Variants in IL1RAPL2 observed in about 807,000 individuals in gnomAD.
IL1RAPL2 encodes interleukin 1 receptor accessory protein like 2, also known as X-linked interleukin-1 receptor accessory protein-like 2.
A neutral mutation model predicts 44.1 loss-of-function variants in IL1RAPL2; 3 were observed. The observed-to-expected ratio is 0.07, with a 90% CI of 0.03 to 0.18. The LOEUF is 0.18. IL1RAPL2 is among the 10% of genes least tolerant of loss of function. The pLI, the probability that IL1RAPL2 is intolerant of heterozygous loss-of-function variation, is 1.00. For synonymous variants in IL1RAPL2, 181 were observed against 178.8 expected (o/e 1.01, Z -0.10); for missense variants, 391 against 496.4 (o/e 0.79, Z 2.02).
In IL1RAPL2 at chrX:104,964,601, G is replaced by C. The variant is rs762245037; in HGVS notation, c.83-230874G>C. On this transcript the variant is annotated intron_variant, in intron 2 of 10. Coordinates refer to ENST00000372582, the MANE Select transcript of IL1RAPL2 (RefSeq NM_017416.2). ...GCTGGGATTACAGGCATGAGCCACC[G>C]TGCCCAGCCGATTTATTTCTTATGT... Among the ~76,000 whole-genome samples the C allele has an allele frequency of 6.4e-5, 7 of 110,124 alleles. No individual in the cohort carries two copies. The South Asian group carries it at 2.7e-3, about 43-fold the overall frequency.
intron 2 of IL1RAPL2, among the ~76,000 whole-genome samples, chrX:104,844,533 C>T (rs1323489244): frequency 9.0e-6 from 1 of 111,481 alleles, no homozygotes; most frequent in Non-Finnish European, 1.9e-5. Flanking sequence ...CCCTGGACCA[C>T]ATTGGAAGAA....
chrX:105,358,428 C>G (rs1417284661), intron 5 of IL1RAPL2, among the ~76,000 whole-genome samples: 1 of 108,051 alleles, frequency 9.3e-6, no homozygotes, highest in Non-Finnish European at 1.9e-5. Context: ...GTAATCCCAG[C>G]ACTCTGGAAG....
At chrX:105,070,576 C>T (rs1257110064) in intron 2 of IL1RAPL2, among the ~76,000 whole-genome samples, 1 of 109,847 alleles carries the variant, frequency 9.1e-6, no homozygotes, top group Non-Finnish European at 1.9e-5. Flanking sequence ...TGCCTGTAAT[C>T]CCAGCTACTC....
intron 5 of IL1RAPL2, among the ~76,000 whole-genome samples, chrX:105,478,070 TG>T (rs2036209676): frequency 9.0e-6 from 1 of 110,890 alleles, no homozygotes; most frequent in African/African-American, 3.3e-5. Flanking sequence ...TGGAAACTGA[TG>T]TAAGTGTGCC....
intron 2 of IL1RAPL2, among the ~76,000 whole-genome samples, chrX:104,675,783 C>T (rs1347896339): frequency 5.4e-5 from 6 of 110,174 alleles, no homozygotes; most frequent in African/African-American, 2.0e-4. Flanking sequence ...CTTGGTGCTC[C>T]TGTATTGGGT....
At chrX:105,505,141 T>C (rs773147537) in intron 6 of IL1RAPL2, among the ~76,000 whole-genome samples, 5 of 111,093 alleles carry the variant, frequency 4.5e-5, no homozygotes, top group Non-Finnish European at 5.7e-5. Context: ...CCTTTACCAA[T>C]GTACACTAAT....
At chrX:105,071,909 G>T (rs1412366627) in intron 2 of IL1RAPL2, among the ~76,000 whole-genome samples, 1 of 111,848 alleles carries the variant, frequency 8.9e-6, no homozygotes, top group Non-Finnish European at 1.9e-5. Flanking sequence ...AAATTGTAAA[G>T]ATACTGGAAG....
At chrX:104,790,411 A>G (rs1932819381) in intron 2 of IL1RAPL2, among the ~76,000 whole-genome samples, 1 of 111,155 alleles carries the variant, frequency 9.0e-6, no homozygotes, top group Non-Finnish European at 1.9e-5. Context: ...CTTTTTAAAG[A>G]GAGACCAAAG....
At position 105,019,847 on chromosome X, in the gene IL1RAPL2, G is replaced by A. The variant is rs531992202; in HGVS notation, c.83-175628G>A. On this transcript the variant is annotated intron_variant, in intron 2 of 10. Transcript: ENST00000372582. ...TATAAAATTCATATAAAGGATATTT[G>A]GTTTGCCTCCTGAATATAGGAATCA... 9.9e-5 allele frequency among the ~76,000 whole-genome samples: 11 copies of A among 111,156 alleles called. No individual in the cohort carries two copies. In the South Asian group the frequency reaches 4.1e-3, roughly 42 times the overall value.
chrX:105,737,768 G>T (rs1449279924), intron 7 of IL1RAPL2, among the ~76,000 whole-genome samples: 1 of 111,500 alleles, frequency 9.0e-6, no homozygotes, highest in Admixed American at 9.6e-5. Flanking sequence ...AAATAATTGA[G>T]TGTGGTGTTG....
intron 2 of IL1RAPL2, among the ~76,000 whole-genome samples, chrX:105,060,585 C>CTTTTTTTTTTTTTTTT (rs1161187469): frequency 9.6e-4 from 67 of 70,035 alleles, no homozygotes; most frequent in African/African-American, 2.1e-3. Context: ...TTTTCTTTTT[C>CTTTTTTTTTTTTTTTT]TTTTTTTTTT....
chrX:104,636,338 C>T (rs760097650), intron 1 of IL1RAPL2, among the ~76,000 whole-genome samples: 15 of 112,234 alleles, frequency 1.3e-4, no homozygotes, highest in South Asian at 3.7e-4. Flanking sequence ...TCTCCAGCTG[C>T]GTGCTGGGAG....
chrX:104,903,077 C>A (rs754895736), intron 2 of IL1RAPL2, among the ~76,000 whole-genome samples: 2 of 111,351 alleles, frequency 1.8e-5, no homozygotes, highest in South Asian at 7.6e-4. Context: ...TTTTTGGCTG[C>A]AGAGGGGGCA....
rs770095418 is a variant in IL1RAPL2 at position 105,638,473 on chromosome X, G to C, written c.773-78894G>C. 3.6e-5 allele frequency among the ~76,000 whole-genome samples: 4 copies of C among 110,728 alleles called. No homozygotes were observed. The East Asian group carries it at 1.1e-3, about 32-fold the overall frequency. Reference sequence around the variant, plus strand: ...TATGATTTTACTCTCTGATTTTCAGGTGACCTCAGGTCCACATTAGCCCTG... The same window carrying C: ...TATGATTTTACTCTCTGATTTTCAGCTGACCTCAGGTCCACATTAGCCCTG... On this transcript the variant is annotated intron_variant, in intron 6 of 10. Transcript: ENST00000372582.
chrX:105,075,721 C>A (rs2032287405), intron 2 of IL1RAPL2, among the ~76,000 whole-genome samples: 1 of 111,797 alleles, frequency 8.9e-6, no homozygotes, highest in African/African-American at 3.3e-5. Context: ...AATTTCAGAG[C>A]CTGTTATTGG....
intron 2 of IL1RAPL2, among the ~76,000 whole-genome samples, chrX:105,039,508 C>A (rs943544518): frequency 1.8e-5 from 2 of 111,727 alleles, no homozygotes; most frequent in Admixed American, 1.9e-4. Flanking sequence ...TCAACTTCTG[C>A]CTGTAGGTAT....
chrX:104,735,237 A>G lies in IL1RAPL2; in HGVS notation c.82+76242A>G, dbSNP rs140825109. On this transcript the variant is annotated intron_variant, in intron 2 of 10. Coordinates refer to ENST00000372582, the MANE Select transcript of IL1RAPL2 (RefSeq NM_017416.2). ...CTCAATGGAAATTCCAGAAAATAAG[A>G]AAATGGTATTTTGATTAACAGCTTA... Among the ~76,000 whole-genome samples the G allele has an allele frequency of 5.8e-3, 649 of 111,875 alleles. 3 individuals are homozygous for G. The highest frequency in any genetic ancestry group is 0.02 in the African/African-American group (616 of 30,894).
At chrX:105,431,438 A>C (rs1212111624) in intron 5 of IL1RAPL2, among the ~76,000 whole-genome samples, 5 of 111,551 alleles carry the variant, frequency 4.5e-5, no homozygotes, top group Non-Finnish European at 9.4e-5. Flanking sequence ...CTGGTGTTTC[A>C]GCACCATAAC....
intron 6 of IL1RAPL2, among the ~76,000 whole-genome samples, chrX:105,599,315 T>TC (rs1245103892): frequency 1.8e-5 from 2 of 111,590 alleles, no homozygotes; most frequent in South Asian, 3.7e-4. Context: ...TAAGCACAGC[T>TC]CCATTGATTT....
Sources: allele counts gnomAD v4.1 joint callset (sites outside exome capture counted in the v4.1 genomes callset), GRCh38; gene constraint gnomAD v4.1.1; transcripts MANE v1.5; gene names NCBI Gene and HGNC (gene_info 2026-07-23, HGNC 2026-07-21).